Variants in EFCAB6 observed in about 807,000 individuals in gnomAD.
The protein encoded by EFCAB6 is EF-hand calcium-binding domain-containing protein 6.
Under a neutral mutation model 169.8 loss-of-function variants are expected in EFCAB6, and 156 were observed. The ratio of observed to expected loss-of-function variants is 0.92; its 90% CI spans 0.81 to 1.05. The LOEUF is 1.05. Ranked by LOEUF, EFCAB6 falls within the 50% of genes least tolerant of loss-of-function variation. The probability of loss-of-function intolerance (pLI) is 0.00; values close to 1 mark genes in which losing one functional copy is unlikely to be tolerated. For synonymous variants in EFCAB6, 698 were observed against 676.4 expected (o/e 1.03, Z -0.50); for missense variants, 1,800 against 1,829.1 (o/e 0.98, Z 0.29).
intron 10 of EFCAB6, among the ~76,000 whole-genome samples, chr22:43,696,204 GATCA>G (rs771032954): frequency 8.6e-5 from 13 of 151,946 alleles, no homozygotes; most frequent in Non-Finnish European, 1.6e-4. Flanking sequence ...ATAAAAAGAG[GATCA>G]ATATCATTTC....
At chr22:43,678,185 AGGG>A in intron 12 of EFCAB6, 22 bp from the exon 13 acceptor site, 1 of 1,485,130 alleles carries the variant, frequency 6.7e-7, no homozygotes, top group Non-Finnish European at 9.1e-7. Flanking sequence ...AGTGTATATA[AGGG>A]AATTTTTGAA....
intron 6 of EFCAB6, among the ~76,000 whole-genome samples, chr22:43,752,913 C>T (rs920694435): frequency 5.9e-5 from 9 of 152,140 alleles, no homozygotes; most frequent in African/African-American, 1.9e-4. Flanking sequence ...AAGACGGCCA[C>T]AGCAAGGGTT....
chr22:43,645,406 G>T (rs963660830), intron 17 of EFCAB6, among the ~76,000 whole-genome samples: 5 of 152,356 alleles, frequency 3.3e-5, no homozygotes, highest in African/African-American at 1.2e-4. Context: ...GTGCACATGT[G>T]AGAGGGTGTC....
At chr22:43,789,848 C>CACACACAA (rs67190476) in intron 2 of EFCAB6, among the ~76,000 whole-genome samples, 1 of 17,144 alleles carries the variant, frequency 5.8e-5, no homozygotes, top group Non-Finnish European at 1.7e-4. Context: ...GGCTAACCTT[C>CACACACAA]ACACACACAC....
intron 27 of EFCAB6, among the ~76,000 whole-genome samples, chr22:43,541,827 C>T (rs768504832): frequency 6.6e-6 from 1 of 152,234 alleles, no homozygotes; most frequent in Non-Finnish European, 1.5e-5. Context: ...GGCCTGGAAG[C>T]TCCCTGCAGG....
At chr22:43,551,862 C>A (rs2048402225) in intron 27 of EFCAB6, 1 of 145,988 alleles carries the variant, frequency 6.8e-6, no homozygotes, top group Non-Finnish European at 1.5e-5. Flanking sequence ...GAGTCTTGCT[C>A]TTTTGCCCAG....
At position 43,795,947 on chromosome 22, in the gene EFCAB6, ACAC is replaced by A. The variant is rs1207950610; in HGVS notation, c.-8+13045_-8+13047del. ...CACCCCTTCATCACACACGTACCAC[ACAC>A]AACTCACCCCCCACAGAAACACACA... is the stretch of plus-strand genomic sequence containing the variant. On this transcript the variant is annotated intron_variant, in intron 2 of 31. Coordinates refer to ENST00000262726, the MANE Select transcript of EFCAB6 (RefSeq NM_022785.4). The surrounding 1 kb of genome is among the most constrained non-coding windows in gnomAD (Gnocchi z 4.2). Among the ~76,000 whole-genome samples, 1 of 149,508 alleles carries A rather than the reference ACAC, an allele frequency of 6.7e-6. No individual in the cohort carries two copies. The highest frequency in any genetic ancestry group is 1.5e-5 in the Non-Finnish European group (1 of 67,298).
intron 26 of EFCAB6, among the ~76,000 whole-genome samples, chr22:43,573,604 A>C (rs1364575290): frequency 1.3e-5 from 2 of 151,998 alleles, no homozygotes; most frequent in Non-Finnish European, 2.9e-5. Context: ...GGTGGTGCAC[A>C]CCTGTAATCC....
chr22:43,711,560 A>T lies in EFCAB6; in HGVS notation c.946T>A (p.Tyr316Asn), dbSNP rs2059160877. ...ATCTTTAGATAATTAAAAGACACGTAGCCACCTTTACAGGGGTCCCCTGCA... is the reference window on the plus strand; with the variant it reads ...ATCTTTAGATAATTAAAAGACACGTTGCCACCTTTACAGGGGTCCCCTGCA... ...LSAGDPCKGG[Y>N]VSFNYLKIVL... Residue 316 changes from tyrosine (Y) to asparagine (N), a missense_variant, in exon 10 of 32, where the codon TAC (tyrosine) becomes AAC (asparagine). Tyr to Asn is a moderately radical substitution (Grantham distance 143). Transcript: ENST00000262726. 2.5e-6 allele frequency: 4 copies of T among 1,605,104 alleles called. No homozygotes were observed. Among genetic ancestry groups the T allele is most frequent in the Non-Finnish European group, 3.4e-6 (4 of 1,178,024 alleles).
chr22:43,761,676 G>A (rs887737418), intron 5 of EFCAB6, among the ~76,000 whole-genome samples: 4 of 151,730 alleles, frequency 2.6e-5, no homozygotes, highest in African/African-American at 9.7e-5. Context: ...TGATTCTATT[G>A]GATATGACAT....
intron 21 of EFCAB6, among the ~76,000 whole-genome samples, chr22:43,611,577 G>A (rs921840246): frequency 6.6e-6 from 1 of 152,120 alleles, no homozygotes; most frequent in Non-Finnish European, 1.5e-5. Flanking sequence ...TAGGCAGATC[G>A]CTTGAGCCCA....
intron 20 of EFCAB6, among the ~76,000 whole-genome samples, chr22:43,618,085 G>A (rs372659985): frequency 1.4e-5 from 2 of 144,764 alleles, no homozygotes; most frequent in South Asian, 4.5e-4. Context: ...CTGGGTGACA[G>A]AGTGAGACTC....
rs1299520409 is a variant in EFCAB6 at position 43,795,062 on chromosome 22, C to T, written c.-7-12737G>A. On this transcript the variant is annotated intron_variant, in intron 2 of 31. Transcript: ENST00000262726. This position sits in a 1 kb window ranked among gnomAD's most constrained non-coding sequence, Gnocchi z 4.2. ...GTACAGCCCCTTGCCCTGCCCGAAC[C>T]TCATCGTCACAGACAGTCTACCCTC... Among the ~76,000 whole-genome samples the T allele has an allele frequency of 6.6e-6, 1 of 152,158 alleles. No individual in the cohort carries two copies. Among genetic ancestry groups the T allele is most frequent in the East Asian group, 1.9e-4 (1 of 5,196 alleles).
chr22:43,804,223 C>T (rs901690853), intron 2 of EFCAB6, among the ~76,000 whole-genome samples: 3 of 152,038 alleles, frequency 2.0e-5, no homozygotes, highest in Non-Finnish European at 2.9e-5. Flanking sequence ...CCTGAATGAC[C>T]GATGAATCAA....
At chr22:43,638,739 C>T (rs2055598258) in intron 17 of EFCAB6, among the ~76,000 whole-genome samples, 1 of 152,036 alleles carries the variant, frequency 6.6e-6, no homozygotes, top group African/African-American at 2.4e-5. Context: ...TGCCACTTTA[C>T]ATAGAATGTA....
chr22:43,784,611 G>GTATA (rs2061981582), intron 2 of EFCAB6, among the ~76,000 whole-genome samples: 1 of 53,664 alleles, frequency 1.9e-5, no homozygotes, highest in African/African-American at 9.5e-5. Context: ...ACATATATAT[G>GTATA]TGTATATATA....
At chr22:43,546,143 A>C (rs1415684873) in intron 27 of EFCAB6, among the ~76,000 whole-genome samples, 2 of 152,254 alleles carry the variant, frequency 1.3e-5, no homozygotes, top group African/African-American at 4.8e-5. Context: ...ATTAAAAATC[A>C]GCAAGGAGCA....
chr22:43,637,465 C>A (rs1230368434), intron 17 of EFCAB6, among the ~76,000 whole-genome samples: 1 of 152,232 alleles, frequency 6.6e-6, no homozygotes, highest in Non-Finnish European at 1.5e-5. Context: ...TGAAAGTGTG[C>A]GCTGTATCTA....
Position 43,682,348 on chromosome 22 carries a change from T to G in EFCAB6, c.1251+1399A>C, listed in dbSNP as rs866118029. ...TACGTACTCAATTCTTAACCTACACTGTCTGTTTATTGATCTCAAGTTGAA... is the reference window on the plus strand; with the variant it reads ...TACGTACTCAATTCTTAACCTACACGGTCTGTTTATTGATCTCAAGTTGAA... On this transcript the variant is annotated intron_variant, in intron 12 of 31. Transcript: ENST00000262726. 4.1e-4 allele frequency among the ~76,000 whole-genome samples: 63 copies of G among 152,244 alleles called. 1 individual carries two copies. Among genetic ancestry groups the G allele is most frequent in the African/African-American group, 1.5e-3 (61 of 41,450 alleles).
Sources: gnomAD v4.1 joint callset for allele counts (sites outside exome capture counted in the v4.1 genomes callset) on GRCh38, gnomAD v4.1.1 for gene constraint, Gnocchi (gnomAD v3.1) non-coding constraint, MANE v1.5 for transcripts, NCBI Gene and HGNC (gene_info 2026-07-23, HGNC 2026-07-21) for gene names.